Variants in ZFHX3 observed in about 807,000 individuals in gnomAD.
ZFHX3 encodes zinc finger homeobox 3.
A neutral mutation model predicts 279.1 loss-of-function variants in ZFHX3; 42 were observed. The observed-to-expected ratio is 0.15, with a 90% CI of 0.12 to 0.19. The LOEUF (loss-of-function observed/expected upper bound fraction) is 0.19, where lower values mean the gene tolerates loss of function less well. Ranked by LOEUF, ZFHX3 falls within the 10% of genes least tolerant of loss-of-function variation. The pLI, the probability that ZFHX3 is intolerant of heterozygous loss-of-function variation, is 1.00. For missense variants in ZFHX3, 4,981 were observed against 4,754.0 expected (o/e 1.05, Z -1.40); for synonymous variants, 2,293 against 1,957.8 (o/e 1.17, Z -4.52).
intron 3 of ZFHX3, among the ~76,000 whole-genome samples, chr16:73,444,615 A>C (rs2018149886): frequency 6.6e-6 from 1 of 152,234 alleles, no homozygotes; most frequent in South Asian, 2.1e-4. Flanking sequence ...ATAAAAGGAC[A>C]TTACTTGAAA....
chr16:73,721,199 G>A (rs892227882), intron 1 of ZFHX3, among the ~76,000 whole-genome samples: 178 of 152,224 alleles, frequency 1.2e-3, no homozygotes, highest in African/African-American at 4.2e-3. Context: ...TCGGCTCACT[G>A]CAACTTCCGC....
chr16:73,784,796 A>ATATAT (rs1555501448), intron 1 of ZFHX3, among the ~76,000 whole-genome samples: 38 of 131,106 alleles, frequency 2.9e-4, no homozygotes, highest in East Asian at 1.8e-3. Flanking sequence ...TAAAAAAAAA[A>ATATAT]ATATATATAT....
chr16:73,484,181 A>C (rs1299564061), intron 2 of ZFHX3, among the ~76,000 whole-genome samples: 1 of 152,034 alleles, frequency 6.6e-6, no homozygotes, highest in Non-Finnish European at 1.5e-5. Context: ...GAGAAGCCTA[A>C]AAACTGACGT....
intron 3 of ZFHX3, among the ~76,000 whole-genome samples, chr16:73,371,254 C>T (rs1167154735): frequency 2.0e-5 from 3 of 151,846 alleles, no homozygotes; most frequent in Admixed American, 2.0e-4. Context: ...TTGCAGTGAG[C>T]CGAGATCGCA....
At chr16:72,987,259 G>A (rs1962887977) in intron 1 of ZFHX3, among the ~76,000 whole-genome samples, 4 of 152,200 alleles carry the variant, frequency 2.6e-5, no homozygotes, top group Non-Finnish European at 5.9e-5. Context: ...TCTCATAGCA[G>A]CTAAGAATAT....
chr16:73,216,877 T>C (rs2012228421), intron 5 of ZFHX3, among the ~76,000 whole-genome samples: 1 of 152,230 alleles, frequency 6.6e-6, no homozygotes, highest in Non-Finnish European at 1.5e-5. Context: ...TTCAGCTTCC[T>C]GAACAACGGT....
At chr16:73,604,717 C>G (rs2052159722) in intron 2 of ZFHX3, among the ~76,000 whole-genome samples, 1 of 149,308 alleles carries the variant, frequency 6.7e-6, no homozygotes, top group South Asian at 2.2e-4. Context: ...TGCACTCCAA[C>G]CTGGGCGACA....
intron 2 of ZFHX3, among the ~76,000 whole-genome samples, chr16:73,521,513 G>A (rs554218090): frequency 5.9e-5 from 9 of 152,200 alleles, no homozygotes; most frequent in African/African-American, 2.2e-4. Flanking sequence ...AGGAGGTAGG[G>A]TGGTGATGTC....
At chr16:73,718,936 A>G (rs768743542) in intron 1 of ZFHX3, among the ~76,000 whole-genome samples, 2 of 152,084 alleles carry the variant, frequency 1.3e-5, no homozygotes, top group Non-Finnish European at 2.9e-5. Flanking sequence ...AAAAACAAAA[A>G]CCAGCCCTCC....
intron 2 of ZFHX3, among the ~76,000 whole-genome samples, chr16:73,621,974 T>C (rs550564558): frequency 3.3e-5 from 5 of 152,218 alleles, no homozygotes; most frequent in Non-Finnish European, 7.3e-5. Context: ...ACTGGAGAGA[T>C]GGACACAGCC....
intron 1 of ZFHX3, among the ~76,000 whole-genome samples, chr16:72,978,329 C>T (rs559331981): frequency 2.0e-5 from 3 of 152,216 alleles, no homozygotes; most frequent in South Asian, 2.1e-4. Context: ...ATTATTTTAC[C>T]GGAACTGACA....
At chr16:73,101,554 ATT>A (rs1597156770) in intron 7 of ZFHX3, among the ~76,000 whole-genome samples, 4 of 151,548 alleles carry the variant, frequency 2.6e-5, no homozygotes, top group African/African-American at 9.7e-5. Context: ...AATTTTTTAA[ATT>A]TTTTTAAATT....
In ZFHX3 at chr16:73,489,083, A is replaced by T. The variant is rs978219107; in HGVS notation, c.-1546-32825T>A. On this transcript the variant is annotated intron_variant, in intron 2 of 17. Transcript: ENST00000641206. Reference sequence around the variant, plus strand: ...GAACTCCAGATTTTCTGAGCAATTCATTTGGATTATCAAGAAAAATTTCAT... The same window carrying T: ...GAACTCCAGATTTTCTGAGCAATTCTTTTGGATTATCAAGAAAAATTTCAT... Among the ~76,000 whole-genome samples the T allele has an allele frequency of 6.6e-5, 10 of 152,192 alleles. No homozygotes were observed. The East Asian group carries it at 1.9e-3, about 29-fold the overall frequency.
intron 3 of ZFHX3, among the ~76,000 whole-genome samples, chr16:73,332,544 T>C (rs2015826015): frequency 6.6e-6 from 1 of 152,232 alleles, no homozygotes; most frequent in Admixed American, 6.5e-5. Context: ...TTTTTGCCTC[T>C]TTTAATTTCC....
intron 2 of ZFHX3, among the ~76,000 whole-genome samples, chr16:73,532,306 G>A (rs1307517476): frequency 2.0e-5 from 3 of 152,106 alleles, no homozygotes; most frequent in Admixed American, 2.0e-4. Context: ...TATATGGGGA[G>A]ACCCTTTTCG....
Position 73,483,349 on chromosome 16 carries a change from G to A in ZFHX3, c.-1546-27091C>T, listed in dbSNP as rs1991048. 1.6e-3 allele frequency: 685 copies of A among 419,384 alleles called. 5 individuals carry two copies. Among genetic ancestry groups the A allele is most frequent in the African/African-American group, 0.015 (616 of 41,736 alleles). 26.0% of individuals were successfully genotyped at this position (419,384 alleles called of 1,614,324 possible). Reference sequence around the variant, plus strand: ...AGCGAGTGAGAGACAGAGAGAGAGAGAAAGAGAGAGAGAGAGAGAGTTCCT... The same window carrying A: ...AGCGAGTGAGAGACAGAGAGAGAGAAAAAGAGAGAGAGAGAGAGAGTTCCT... On this transcript the variant is annotated intron_variant, in intron 2 of 17. Coordinates refer to the ZFHX3 transcript ENST00000641206.
At chr16:73,456,567 T>C (rs2018375478) in intron 2 of ZFHX3, among the ~76,000 whole-genome samples, 1 of 152,232 alleles carries the variant, frequency 6.6e-6, no homozygotes, top group Non-Finnish European at 1.5e-5. Context: ...GACACTATGT[T>C]CTGATAGGCA....
intron 8 of ZFHX3, 88 bp downstream of exon 8, chr16:72,799,939 G>T: frequency 3.3e-6 from 4 of 1,217,680 alleles, no homozygotes; most frequent in South Asian, 2.5e-5. Flanking sequence ...TAAGAGTATT[G>T]TAAAGAATTC....
At chr16:73,687,523 A>G (rs1382469918) in intron 1 of ZFHX3, among the ~76,000 whole-genome samples, 1 of 152,100 alleles carries the variant, frequency 6.6e-6, no homozygotes, top group Admixed American at 6.6e-5. Context: ...AGAAAGGGAA[A>G]TGCCATCATT....
Sources: gnomAD v4.1 joint callset for allele counts (sites outside exome capture counted in the v4.1 genomes callset) on GRCh38, gnomAD v4.1.1 for gene constraint, MANE v1.5 for transcripts, NCBI Gene and HGNC (gene_info 2026-07-23, HGNC 2026-07-21) for gene names.